Variants in SEMA3E observed in about 807,000 individuals in gnomAD.
SEMA3E encodes the protein semaphorin-3E.
A neutral mutation model predicts 93.6 loss-of-function variants in SEMA3E; 49 were observed. The ratio of observed to expected loss-of-function variants is 0.52; its 90% confidence interval spans 0.42 to 0.66. SEMA3E has a LOEUF of 0.66. Ranked by LOEUF, SEMA3E falls within the 30% of genes least tolerant of loss-of-function variation. The pLI, the probability that SEMA3E is intolerant of heterozygous loss-of-function variation, is 0.00. For missense variants in SEMA3E, 906 were observed against 964.8 expected (o/e 0.94, Z 0.81); for synonymous variants, 363 against 330.7 (o/e 1.10, Z -1.06).
intron 1 of SEMA3E, among the ~76,000 whole-genome samples, chr7:83,647,743 C>T (rs1397186737): frequency 6.6e-6 from 1 of 152,188 alleles, no homozygotes; most frequent in Non-Finnish European, 1.5e-5. Context: ...TAAATTTACA[C>T]TACAAATGCT....
rs760196497 is a variant in SEMA3E, at chr7:83,396,770, C to T, written c.1367-41G>A. ...ACAAGAAATAAACTAGAATCTATGT[C>T]ACAGTACGGTTTTCAAAAAAACCAT... On this transcript the variant is annotated intron_variant, in intron 11 of 16. Transcript: ENST00000643230. The T allele has an allele frequency of 2.7e-5, 38 of 1,400,954 alleles. No homozygotes were observed. In the East Asian group the frequency reaches 9.1e-4, roughly 34 times the overall value. The allele number at this position is 1,400,954 out of a possible 1,614,324, so 86.8% of individuals were successfully genotyped here.
rs1308805456 is a variant in SEMA3E at position 83,418,460 on chromosome 7, T to C, written c.480A>G (p.Ser160=). 1 of 1,611,278 alleles carries C rather than the reference T, an allele frequency of 6.2e-7. No homozygotes were observed. Among genetic ancestry groups the C allele is most frequent in the East Asian group, 2.2e-5 (1 of 44,836 alleles). The change falls in exon 5 of 17, where the codon TCA becomes TCG. Residue 160 remains serine, a synonymous_variant. Transcript: ENST00000643230. ...TGCCCCTTCCTCTCTCAGATCTGGG[T>C]GATTCCAGGTGAAACAGAGGATCCT... ...HLEDPLFHLE[S]PRSERGRGRC... is the part of the protein sequence containing the mutation.
intron 11 of SEMA3E, among the ~76,000 whole-genome samples, chr7:83,399,056 A>G (rs1034397785): frequency 1.3e-5 from 2 of 152,186 alleles, no homozygotes; most frequent in African/African-American, 4.8e-5. Flanking sequence ...TTAATATTAC[A>G]TCCTGTTTCC....
intron 4 of SEMA3E, among the ~76,000 whole-genome samples, chr7:83,444,452 T>C (rs959298945): frequency 2.0e-5 from 3 of 152,142 alleles, no homozygotes; most frequent in Non-Finnish European, 4.4e-5. Flanking sequence ...GGAATTACTT[T>C]AGGGATAAAT....
chr7:83,506,015 CAAAAAA>C (rs57051446), intron 1 of SEMA3E, among the ~76,000 whole-genome samples: 1 of 87,464 alleles, frequency 1.1e-5, no homozygotes, highest in Non-Finnish European at 2.3e-5. Context: ...ACTCCGTCTC[CAAAAAA>C]AAAAAAAAAA....
chr7:83,577,137 TATG>T (rs1463512799), intron 1 of SEMA3E, among the ~76,000 whole-genome samples: 8 of 152,188 alleles, frequency 5.3e-5, no homozygotes, highest in South Asian at 2.1e-4. Context: ...TAGATATAAA[TATG>T]ATAACTAAAA....
intron 4 of SEMA3E, among the ~76,000 whole-genome samples, chr7:83,421,972 G>C (rs2115708550): frequency 6.6e-6 from 1 of 152,260 alleles, no homozygotes; most frequent in Middle Eastern, 3.4e-3. Context: ...GAGGTTGGGA[G>C]TTCGAGACCA....
chr7:83,473,098 A>G (rs1013789734), intron 2 of SEMA3E, among the ~76,000 whole-genome samples: 6 of 152,282 alleles, frequency 3.9e-5, no homozygotes, highest in Admixed American at 1.3e-4. Flanking sequence ...ACCACAAGCT[A>G]CCTAAGAATT....
intron 4 of SEMA3E, among the ~76,000 whole-genome samples, chr7:83,441,918 G>A (rs981606531): frequency 4.6e-5 from 7 of 152,142 alleles, no homozygotes; most frequent in African/African-American, 1.7e-4. Context: ...TAAGATTGGG[G>A]TAATGTTCAA....
At chr7:83,569,392 A>C (rs1457691362) in intron 1 of SEMA3E, among the ~76,000 whole-genome samples, 1 of 152,138 alleles carries the variant, frequency 6.6e-6, no homozygotes, top group Non-Finnish European at 1.5e-5. Flanking sequence ...ACATATCAAT[A>C]CTAAAATATT....
chr7:83,468,513 A>G (rs562810062), intron 3 of SEMA3E, among the ~76,000 whole-genome samples: 11 of 152,296 alleles, frequency 7.2e-5, no homozygotes, highest in Admixed American at 6.5e-5. Context: ...GCTACAGAGA[A>G]TGAGGAGTTG....
chr7:83,618,146 A>C (rs1468466621), intron 1 of SEMA3E, among the ~76,000 whole-genome samples: 2 of 152,146 alleles, frequency 1.3e-5, no homozygotes, highest in Non-Finnish European at 2.9e-5. Context: ...AAAGGTAATG[A>C]GAAACTGGTA....
intron 10 of SEMA3E, among the ~76,000 whole-genome samples, chr7:83,401,152 TACTG>T (rs1448848544): frequency 6.6e-6 from 1 of 152,166 alleles, no homozygotes; most frequent in African/African-American, 2.4e-5. Context: ...ATTTTTAAAC[TACTG>T]ACTAAAAAAT....
intron 4 of SEMA3E, among the ~76,000 whole-genome samples, chr7:83,447,647 C>T (rs1347060772): frequency 6.6e-6 from 1 of 152,150 alleles, no homozygotes; most frequent in East Asian, 1.9e-4. Flanking sequence ...TTTACTCCAA[C>T]TGCAAAATAG....
At chr7:83,515,128 C>A (rs916238609) in intron 1 of SEMA3E, among the ~76,000 whole-genome samples, 1 of 151,948 alleles carries the variant, frequency 6.6e-6, no homozygotes, top group Admixed American at 6.6e-5. Context: ...AGTGAGGAGA[C>A]AGGAAATTCA....
intron 1 of SEMA3E, among the ~76,000 whole-genome samples, chr7:83,522,561 A>C (rs1791071497): frequency 6.6e-6 from 1 of 151,824 alleles, no homozygotes; most frequent in East Asian, 1.9e-4. Context: ...CCTTGTCCTG[A>C]TCCCCCCAAC....
chr7:83,551,209 C>CAA (rs200129438), intron 1 of SEMA3E, among the ~76,000 whole-genome samples: 3 of 151,202 alleles, frequency 2.0e-5, no homozygotes, highest in African/African-American at 7.3e-5. Flanking sequence ...TTTCTAATAC[C>CAA]AAAAAAAATA....
chr7:83,420,614 A>G (rs915917580), intron 4 of SEMA3E, among the ~76,000 whole-genome samples: 1 of 152,202 alleles, frequency 6.6e-6, no homozygotes, highest in Admixed American at 6.5e-5. Flanking sequence ...TGGTATTGGT[A>G]CAAGAGCAGA....
intron 4 of SEMA3E, among the ~76,000 whole-genome samples, chr7:83,447,711 C>T (rs1789263611): frequency 2.0e-5 from 3 of 152,186 alleles, no homozygotes; most frequent in Admixed American, 2.0e-4. Context: ...TCTCCAGTGA[C>T]ATTACAGATA....
Sources: allele counts gnomAD v4.1 joint callset (sites outside exome capture counted in the v4.1 genomes callset), GRCh38; gene constraint gnomAD v4.1.1; transcripts MANE v1.5; gene names NCBI Gene and HGNC (gene_info 2026-07-23, HGNC 2026-07-21).